ACACB: variants seen among roughly 807,000 people sequenced by gnomAD.
ACACB encodes acetyl-CoA carboxylase beta.
ACACB carries 209 observed loss-of-function variants against 278.8 expected under a neutral mutation model. That is an observed-to-expected ratio of 0.75 (90% CI 0.67 to 0.84). ACACB has a LOEUF of 0.84. Ranked by LOEUF, ACACB falls within the 40% of genes least tolerant of loss-of-function variation. The probability of loss-of-function intolerance (pLI) is 0.00; values close to 1 mark genes in which losing one functional copy is unlikely to be tolerated. For missense variants in ACACB, 2,850 were observed against 3,269.0 expected (o/e 0.87, Z 3.13); for synonymous variants, 1,174 against 1,285.6 (o/e 0.91, Z 1.86).
At chr12:109,145,981 C>T (rs980474016) in intron 2 of ACACB, among the ~76,000 whole-genome samples, 1 of 152,136 alleles carries the variant, frequency 6.6e-6, no homozygotes, top group Non-Finnish European at 1.5e-5. Context: ...TGCACTCCAG[C>T]CTGGGCAACA....
At chr12:109,262,699 C>T (rs557963403) in intron 49 of ACACB, among the ~76,000 whole-genome samples, 1 of 152,086 alleles carries the variant, frequency 6.6e-6, no homozygotes, top group African/African-American at 2.4e-5. Flanking sequence ...CAGCTCACTG[C>T]AACCTCTGCC....
At position 109,260,482 on chromosome 12, in the gene ACACB, A is replaced by G; in HGVS notation, c.6499A>G (p.Met2167Val). The G allele has an allele frequency of 1.9e-6, 3 of 1,614,170 alleles. No homozygotes were observed. Among genetic ancestry groups the G allele is most frequent in the Non-Finnish European group, 2.5e-6 (3 of 1,180,020 alleles). Residue 2167 changes from methionine to valine, a missense_variant and splice_region_variant, in exon 48 of 53, where the codon ATG becomes GTG. Coordinates refer to ENST00000338432, the MANE Select transcript of ACACB (RefSeq NM_001093.4). ...TGGGAGGCTGCTTTGCTTTTCAGAC[A>G]TGTATGACCAGGTGCTGAAGTTTGG... is the stretch of plus-strand genomic sequence containing the variant. ...WRGFSGGMKD[M>V]YDQVLKFGAY...
At chr12:109,175,711 G>T (rs1193707256) in intron 7 of ACACB, among the ~76,000 whole-genome samples, 1 of 152,162 alleles carries the variant, frequency 6.6e-6, no homozygotes, top group African/African-American at 2.4e-5. Context: ...GAGCCACCAC[G>T]CCTGGCAGTT....
intron 45 of ACACB, 39 bp downstream of exon 45, chr12:109,256,275 T>A: frequency 6.4e-7 from 1 of 1,573,232 alleles, no homozygotes; most frequent in Non-Finnish European, 8.7e-7. Context: ...CATGTCTGAC[T>A]CACCAGGCAT....
At chr12:109,216,742 G>C (rs112179698) in intron 23 of ACACB, 36 bp downstream of exon 23, 4 of 1,614,012 alleles carry the variant, frequency 2.5e-6, no homozygotes, top group South Asian at 1.1e-5. Context: ...GTGGGATGGT[G>C]GGGGGCGTGA....
chr12:109,250,947 C>G (rs912052044), intron 41 of ACACB, among the ~76,000 whole-genome samples: 2 of 152,144 alleles, frequency 1.3e-5, no homozygotes, highest in Non-Finnish European at 2.9e-5. Flanking sequence ...GTTTCTTCTC[C>G]CCTGATTCTT....
Position 109,258,377 on chromosome 12 carries a change from G to A in ACACB, c.6360+13G>A, listed in dbSNP as rs1465293797. 1 of 1,606,162 alleles carries A rather than the reference G, an allele frequency of 6.2e-7. No individual in the cohort carries two copies. Among genetic ancestry groups the A allele is most frequent in the South Asian group, 1.1e-5 (1 of 89,746 alleles). ...TTCTGAGGCCAAGGTGAGGGGGCCG[G>A]GAGCTGTGGCTGCTGGTTTAGCCAG... On this transcript the variant is annotated intron_variant, in intron 46 of 52. Coordinates refer to ENST00000338432, the MANE Select transcript of ACACB (RefSeq NM_001093.4).
chr12:109,124,022 A>G (rs1383258574), intron 1 of ACACB, among the ~76,000 whole-genome samples: 2 of 151,994 alleles, frequency 1.3e-5, no homozygotes, highest in Admixed American at 6.6e-5. Flanking sequence ...TCACAGCTAG[A>G]TGTCACACTG....
chr12:109,252,197 C>A (rs1162163668), intron 42 of ACACB, 41 bp downstream of exon 42: 3 of 1,399,820 alleles, frequency 2.1e-6, no homozygotes, highest in South Asian at 1.3e-5. Flanking sequence ...TCCTTGGGGG[C>A]CAGGAGTCAT....
At chr12:109,115,830 T>C (rs1296332375), upstream of ACACB, among the ~76,000 whole-genome samples, 1 of 152,250 alleles carries the variant, frequency 6.6e-6, no homozygotes, top group Admixed American at 6.5e-5. Flanking sequence ...TCTCGCCAGT[T>C]TCTCCACTTG....
chr12:109,242,649 G>C, intron 37 of ACACB, 57 bp downstream of exon 37: 1 of 1,579,602 alleles, frequency 6.3e-7, no homozygotes, highest in South Asian at 1.1e-5. Flanking sequence ...GACTCCACCA[G>C]AACCAAAGCC....
chr12:109,161,446 G>C (rs1392089754), intron 2 of ACACB, among the ~76,000 whole-genome samples: 1 of 152,238 alleles, frequency 6.6e-6, no homozygotes, highest in African/African-American at 2.4e-5. Context: ...GGGAGGCTGA[G>C]GGAGGAAAAT....
intron 1 of ACACB, among the ~76,000 whole-genome samples, chr12:109,128,343 T>A (rs894439925): frequency 1.1e-4 from 17 of 152,002 alleles, no homozygotes; most frequent in African/African-American, 4.1e-4. Context: ...TATTTTATTT[T>A]ATTTTATTTT....
chr12:109,252,620 C>T lies in ACACB; in HGVS notation c.5902-395C>T, dbSNP rs112032971. On this transcript the variant is annotated intron_variant, in intron 42 of 52. Coordinates refer to ENST00000338432, the MANE Select transcript of ACACB (RefSeq NM_001093.4). ...TCTGCTCAAATCTCAGCCAAAGTCT[C>T]AAAGCCTGGTTCTTGAACCAACAGC... 3.3e-3 allele frequency: 570 copies of T among 174,968 alleles called. 2 individuals are homozygous for T. The highest frequency in any genetic ancestry group is 0.012 in the African/African-American group (529 of 42,480). The allele number at this position is 174,968 out of a possible 1,614,324, so 10.8% of individuals were successfully genotyped here.
chr12:109,205,979 A>G (rs1257836220), intron 19 of ACACB, among the ~76,000 whole-genome samples: 1 of 152,006 alleles, frequency 6.6e-6, no homozygotes, highest in African/African-American at 2.4e-5. Context: ...CCATGTGTTT[A>G]CCTAAGACTG....
At chr12:109,233,187 C>T (rs570139496) in intron 29 of ACACB, among the ~76,000 whole-genome samples, 8 of 152,128 alleles carry the variant, frequency 5.3e-5, no homozygotes, top group East Asian at 1.9e-4. Context: ...TTCATAGGTG[C>T]GCCATGAGAA....
chr12:109,179,449 A>C (rs1469873417), intron 10 of ACACB, 152 bp downstream of exon 10: 2 of 775,868 alleles, frequency 2.6e-6, no homozygotes, highest in African/African-American at 1.7e-5. Flanking sequence ...TCAGCATCAC[A>C]CAGGTTTATT....
intron 15 of ACACB, among the ~76,000 whole-genome samples, chr12:109,193,217 CTTTT>C (rs10710816): frequency 7.3e-5 from 7 of 96,290 alleles, no homozygotes; most frequent in Admixed American, 1.0e-4. Flanking sequence ...CAGATTTAGC[CTTTT>C]TTTTTTTTTT....
chr12:109,187,702 C>T (rs1308206264), intron 12 of ACACB, among the ~76,000 whole-genome samples: 2 of 151,896 alleles, frequency 1.3e-5, no homozygotes, highest in African/African-American at 2.4e-5. Context: ...TCAAGTGATC[C>T]TCCTACCTCT....
Sources: allele counts gnomAD v4.1 joint callset (sites outside exome capture counted in the v4.1 genomes callset), GRCh38; gene constraint gnomAD v4.1.1; transcripts MANE v1.5; gene names NCBI Gene and HGNC (gene_info 2026-07-23, HGNC 2026-07-21).